Variants in PTPRN2 observed in about 807,000 individuals in gnomAD.
The protein encoded by PTPRN2 is protein tyrosine phosphatase receptor type N2.
Under a neutral mutation model 118.8 loss-of-function variants are expected in PTPRN2, and 74 were observed. The ratio of observed to expected loss-of-function variants is 0.62; its 90% CI spans 0.52 to 0.76. The LOEUF (loss-of-function observed/expected upper bound fraction) is 0.76. PTPRN2 is among the 30% of genes least tolerant of loss of function. PTPRN2 has a pLI of 0.00. For missense variants in PTPRN2, 1,481 were observed against 1,394.4 expected, an observed-to-expected ratio of 1.06 and a Z score of -0.99; for synonymous variants, 641 against 608.0, an observed-to-expected ratio of 1.05 and a Z score of -0.80.
chr7:158,114,917 G>A (rs1816608199), intron 9 of PTPRN2, among the ~76,000 whole-genome samples: 1 of 152,154 alleles, frequency 6.6e-6, no homozygotes, highest in South Asian at 2.1e-4. Context: ...GGCAGGGGAG[G>A]CACGGATGGC....
intron 11 of PTPRN2, among the ~76,000 whole-genome samples, chr7:158,070,895 CATGGTA>C: frequency 8.6e-6 from 1 of 115,872 alleles, no homozygotes; most frequent in Admixed American, 9.0e-5. Flanking sequence ...TGGAGGTGCC[CATGGTA>C]GTGGAGGTGC....
Position 157,587,626 on chromosome 7 carries a change from T to G in PTPRN2, c.2496+7612A>C, listed in dbSNP as rs1005870556. On this transcript the variant is annotated intron_variant, in intron 17 of 22. Transcript: ENST00000389418. This position sits in a 1 kb window ranked among gnomAD's most constrained non-coding sequence, Gnocchi z 5.3. ...AGTGCACCTTTTTCTTGGTAAAATG[T>G]TGATGTGCAATAAGAGTCAACACAC... 1.3e-5 allele frequency among the ~76,000 whole-genome samples: 2 copies of G among 152,256 alleles called. No individual in the cohort carries two copies. Among genetic ancestry groups the G allele is most frequent in the African/African-American group, 4.8e-5 (2 of 41,468 alleles).
At chr7:157,999,614 T>C (rs1805059082) in intron 11 of PTPRN2, among the ~76,000 whole-genome samples, 1 of 152,068 alleles carries the variant, frequency 6.6e-6, no homozygotes, top group African/African-American at 2.4e-5. Flanking sequence ...AAACCTGTCA[T>C]CGGGAGACTC....
chr7:158,266,414 A>C (rs1387028993), intron 3 of PTPRN2, among the ~76,000 whole-genome samples: 2 of 82,344 alleles, frequency 2.4e-5, no homozygotes, highest in South Asian at 4.6e-4. Flanking sequence ...GCTGCGGGGT[A>C]TTGTCTGGCA....
intron 2 of PTPRN2, among the ~76,000 whole-genome samples, chr7:158,393,725 G>A (rs989890511): frequency 4.6e-5 from 7 of 151,992 alleles, no homozygotes; most frequent in African/African-American, 1.2e-4. Context: ...TAATCTCATC[G>A]CCTAACACTG....
intron 13 of PTPRN2, among the ~76,000 whole-genome samples, chr7:157,660,841 G>A (rs1333681593): frequency 1.3e-5 from 2 of 152,150 alleles, no homozygotes; most frequent in Non-Finnish European, 2.9e-5. Context: ...TGCAGCCTCC[G>A]CCTCCCGGGT....
intron 2 of PTPRN2, among the ~76,000 whole-genome samples, chr7:158,436,703 G>A (rs1165688519): frequency 2.0e-5 from 3 of 152,196 alleles, no homozygotes; most frequent in African/African-American, 4.8e-5. Flanking sequence ...TTGAATTGAT[G>A]GGGTGTTTTC....
chr7:158,075,669 C>T (rs1413317753), intron 11 of PTPRN2, among the ~76,000 whole-genome samples: 1 of 152,238 alleles, frequency 6.6e-6, no homozygotes, highest in African/African-American at 2.4e-5. Flanking sequence ...GTGTCTGTGC[C>T]GTGAGTCAGG....
intron 13 of PTPRN2, among the ~76,000 whole-genome samples, chr7:157,659,739 TTTTTTATTTTTA>T (rs565633073): frequency 4.6e-5 from 7 of 152,060 alleles, no homozygotes; most frequent in Non-Finnish European, 8.8e-5. Flanking sequence ...TAATTCTTTA[TTTTTTATTTTTA>T]TTTTTATTTT....
At chr7:158,072,978 A>G (rs1812055678) in intron 11 of PTPRN2, among the ~76,000 whole-genome samples, 1 of 152,176 alleles carries the variant, frequency 6.6e-6, no homozygotes, top group African/African-American at 2.4e-5. Flanking sequence ...GCCCTGCCCA[A>G]GATGGCCCAG....
intron 15 of PTPRN2, among the ~76,000 whole-genome samples, chr7:157,614,639 C>T (rs1802635933): frequency 6.6e-6 from 1 of 152,162 alleles, no homozygotes; most frequent in South Asian, 2.1e-4. Context: ...CCCTGATGCC[C>T]CTGTGTGACG....
At chr7:158,359,279 T>C (rs1317820209) in intron 2 of PTPRN2, among the ~76,000 whole-genome samples, 3 of 152,222 alleles carry the variant, frequency 2.0e-5, no homozygotes, top group Non-Finnish European at 4.4e-5. Context: ...TGGCTTCTGA[T>C]TTGAACAGGA....
rs906728533 is a variant in PTPRN2 at position 157,618,928 on chromosome 7, G to A, written c.2344+2434C>T. On this transcript the variant is annotated intron_variant, in intron 15 of 22. Transcript: ENST00000389418. The surrounding 1 kb of genome is among the most constrained non-coding windows in gnomAD (Gnocchi z 4.2). The stretch of plus-strand genomic sequence containing the variant: ...CAGGCAGCTTCTTTCTGGCTCCAGT[G>A]CGAGTCTCGGGAGGGAGGTGCTTTC... Among the ~76,000 whole-genome samples the A allele has an allele frequency of 6.6e-6, 1 of 152,066 alleles. No homozygotes were observed. The highest frequency in any genetic ancestry group is 2.4e-5 in the African/African-American group (1 of 41,402).
Position 157,868,294 on chromosome 7 carries a change from C to A in PTPRN2, c.1788+30379G>T, listed in dbSNP as rs1340119172. ...GAACAGGGCTCTCTGCAGGCAGCCC[C>A]AGGCCTGGAGTTTGCCAAGTGATGA... is the stretch of plus-strand genomic sequence containing the variant. On this transcript the variant is annotated intron_variant, in intron 12 of 22. Transcript: ENST00000389418. The surrounding 1 kb of genome is among the most constrained non-coding windows in gnomAD (Gnocchi z 5.2). Among the ~76,000 whole-genome samples the A allele has an allele frequency of 1.3e-5, 2 of 152,202 alleles. No individual in the cohort carries two copies. The highest frequency in any genetic ancestry group is 2.9e-5 in the Non-Finnish European group (2 of 68,040).
At chr7:157,628,342 C>T (rs866106330) in intron 14 of PTPRN2, among the ~76,000 whole-genome samples, 1 of 152,228 alleles carries the variant, frequency 6.6e-6, no homozygotes, top group African/African-American at 2.4e-5. Flanking sequence ...GAACACGGAG[C>T]ACAGACAGTC....
At position 158,227,395 on chromosome 7, in the gene PTPRN2, A is replaced by G. The variant is rs182605886; in HGVS notation, c.278-22122T>C. 1.3e-4 allele frequency among the ~76,000 whole-genome samples: 20 copies of G among 152,266 alleles called. No homozygotes were observed. In the East Asian group the frequency reaches 3.1e-3, roughly 24 times the overall value. ...CAGAGTGATAAGAATCAGAAATGAA[A>G]TCTATTAGCATTTTATTTTGCCTAC... On this transcript the variant is annotated intron_variant, in intron 3 of 22. Coordinates refer to ENST00000389418, the MANE Select transcript of PTPRN2 (RefSeq NM_002847.5).
intron 10 of PTPRN2, among the ~76,000 whole-genome samples, chr7:158,107,080 A>G (rs1277034161): frequency 6.6e-6 from 1 of 152,044 alleles, no homozygotes; most frequent in Non-Finnish European, 1.5e-5. Flanking sequence ...CAACATGCAC[A>G]CTTGTCTCTG....
At chr7:158,177,393 A>G (rs1824310210) in intron 5 of PTPRN2, among the ~76,000 whole-genome samples, 1 of 152,076 alleles carries the variant, frequency 6.6e-6, no homozygotes, top group African/African-American at 2.4e-5. Context: ...CAAAGTTTTT[A>G]TACATTTTTG....
In PTPRN2 at chr7:158,327,361, A is replaced by C. The variant is rs530239364; in HGVS notation, c.164-10429T>G. Among the ~76,000 whole-genome samples the C allele has an allele frequency of 7.4e-5, 10 of 135,572 alleles. No homozygotes were observed. In the East Asian group the frequency reaches 2.2e-3, roughly 30 times the overall value. The allele number at this position is 135,572 out of a possible 152,430, so 88.9% of individuals were successfully genotyped here. ...CTCACACATGCTCACACATGTACAC[A>C]TTGTCACACACACATTATCACATGC... On this transcript the variant is annotated intron_variant, in intron 2 of 22. Transcript: ENST00000389418.
Sources: gnomAD v4.1 joint callset for allele counts (sites outside exome capture counted in the v4.1 genomes callset) on GRCh38, gnomAD v4.1.1 for gene constraint, Gnocchi (gnomAD v3.1) non-coding constraint, MANE v1.5 for transcripts, NCBI Gene and HGNC (gene_info 2026-07-23, HGNC 2026-07-21) for gene names.